The following HACE1 variants were observed in gnomAD, a reference collection of about 807,000 sequenced individuals.
The protein encoded by HACE1 is E3 ubiquitin-protein ligase HACE1.
Under a neutral mutation model 118.4 loss-of-function variants are expected in HACE1, and 73 were observed. The observed-to-expected ratio is 0.62, with a 90% CI of 0.51 to 0.75. The LOEUF (loss-of-function observed/expected upper bound fraction) is 0.75. Among genes scored for constraint, HACE1 ranks in the 30% least tolerant of loss-of-function variants. The pLI is 0.00. For synonymous variants in HACE1, 368 were observed against 374.8 expected, an observed-to-expected ratio of 0.98 and a Z score of 0.21; for missense variants, 749 against 1,102.2, an observed-to-expected ratio of 0.68 and a Z score of 4.54.
intron 6 of HACE1, among the ~76,000 whole-genome samples, chr6:104,829,981 C>T (rs1773699581): frequency 6.6e-6 from 1 of 152,198 alleles, no homozygotes; most frequent in Admixed American, 6.5e-5. Flanking sequence ...CTGTAATGCA[C>T]ATGTTTTGAA....
chr6:104,778,976 G>T (rs1332678638), intron 14 of HACE1, among the ~76,000 whole-genome samples: 1 of 152,158 alleles, frequency 6.6e-6, no homozygotes, highest in Non-Finnish European at 1.5e-5. Context: ...ATAGTGGGGT[G>T]TAACTATTAG....
intron 18 of HACE1, 66 bp downstream of exon 18, chr6:104,771,859 G>C: frequency 8.8e-7 from 1 of 1,140,412 alleles, no homozygotes; most frequent in Admixed American, 1.8e-5. Flanking sequence ...TGCTTATCTA[G>C]TTTTCCTCAA....
At chr6:104,793,887 A>G (rs1359306004) in intron 10 of HACE1, among the ~76,000 whole-genome samples, 6 of 152,252 alleles carry the variant, frequency 3.9e-5, no homozygotes, top group Admixed American at 3.3e-4. Context: ...CCATAAAAAT[A>G]AGATTCTATA....
intron 14 of HACE1, among the ~76,000 whole-genome samples, chr6:104,783,849 T>C (rs968173600): frequency 6.6e-6 from 1 of 152,250 alleles, no homozygotes; most frequent in African/African-American, 2.4e-5. Flanking sequence ...AGAGTTTCAT[T>C]AAGCTCCTTT....
rs186361561 is a variant in HACE1, at chr6:104,759,109, A to G, written c.2212-8637T>C. The stretch of plus-strand genomic sequence containing the variant: ...CTCCCACACAATAATGGGAGACTTT[A>G]ACACCTAACTGTCAATATTAGACAG... On this transcript the variant is annotated intron_variant, in intron 19 of 23. Transcript: ENST00000262903. Among the ~76,000 whole-genome samples the G allele has an allele frequency of 4.6e-4, 70 of 152,314 alleles. No individual in the cohort carries two copies. The East Asian group carries it at 0.013, about 29-fold the overall frequency.
chr6:104,744,650 G>C (rs774584690), intron 20 of HACE1, 40 bp from the exon 21 acceptor site: 57 of 1,170,016 alleles, frequency 4.9e-5, no homozygotes, highest in Non-Finnish European at 6.9e-5. Flanking sequence ...ATTTTCTTTA[G>C]GGAAAAAAGT....
rs561210355 is a variant in HACE1 at position 104,848,373 on chromosome 6, T to G, written c.326+769A>C. On this transcript the variant is annotated intron_variant, in intron 4 of 23. Coordinates refer to ENST00000262903, the MANE Select transcript of HACE1 (RefSeq NM_020771.4). ...CAGGAGGCTGAGGCAGGAGAATCAC[T>G]TGAACTCGGGAGATAGAGGTTGCAG... 4.6e-3 allele frequency among the ~76,000 whole-genome samples: 690 copies of G among 151,092 alleles called. 5 individuals carry two copies. The highest frequency in any genetic ancestry group is 7.2e-3 in the Non-Finnish European group (486 of 67,798).
chr6:104,743,577 T>C (rs901444086), intron 22 of HACE1, among the ~76,000 whole-genome samples: 4 of 152,082 alleles, frequency 2.6e-5, no homozygotes, highest in Non-Finnish European at 5.9e-5. Context: ...AGACTTTTTT[T>C]ACATCTTTCA....
chr6:104,756,809 ACTGTCC>A (rs1778751441), intron 19 of HACE1, among the ~76,000 whole-genome samples: 1 of 152,184 alleles, frequency 6.6e-6, no homozygotes, highest in South Asian at 2.1e-4. Context: ...GCCGTGACTG[ACTGTCC>A]CTGGAGGAAT....
chr6:104,847,686 T>A (rs1307145375), intron 4 of HACE1, among the ~76,000 whole-genome samples: 8 of 152,118 alleles, frequency 5.3e-5, no homozygotes, highest in Admixed American at 2.0e-4. Flanking sequence ...ATCCATCTTA[T>A]TAGGCAGCCA....
At chr6:104,784,014 C>T (rs1782055405) in intron 14 of HACE1, 72 bp downstream of exon 14, 4 of 796,790 alleles carry the variant, frequency 5.0e-6, no homozygotes, top group South Asian at 4.2e-5. Context: ...AATAATTATT[C>T]CACTAAACAG....
At chr6:104,783,143 C>T (rs1781921553) in intron 14 of HACE1, among the ~76,000 whole-genome samples, 2 of 152,160 alleles carry the variant, frequency 1.3e-5, no homozygotes, top group South Asian at 4.1e-4. Flanking sequence ...TGCTCCAGCC[C>T]ACATGGTGGC....
At chr6:104,778,729 G>A (rs1781457770) in intron 14 of HACE1, among the ~76,000 whole-genome samples, 3 of 151,922 alleles carry the variant, frequency 2.0e-5, no homozygotes, top group Admixed American at 2.0e-4. Flanking sequence ...TAACCCAGGA[G>A]TTCAAGGCTG....
intron 22 of HACE1, chr6:104,731,281 TGTATAG>T (rs1369785457): frequency 5.9e-5 from 9 of 152,096 alleles, no homozygotes; most frequent in Non-Finnish European, 1.0e-4. Flanking sequence ...GAACGTTTAA[TGTATAG>T]GTTACTAAAT....
At chr6:104,743,148 T>G (rs1303513740) in intron 22 of HACE1, among the ~76,000 whole-genome samples, 1 of 123,554 alleles carries the variant, frequency 8.1e-6, no homozygotes, top group Non-Finnish European at 1.6e-5. Flanking sequence ...AATATCACAC[T>G]CTGGGGACTG....
At chr6:104,769,611 T>C (rs1780401531) in intron 19 of HACE1, among the ~76,000 whole-genome samples, 1 of 152,224 alleles carries the variant, frequency 6.6e-6, no homozygotes, top group African/African-American at 2.4e-5. Flanking sequence ...TTCTAGAGCT[T>C]AACATGACTT....
At chr6:104,820,814 T>A (rs900685335) in intron 6 of HACE1, among the ~76,000 whole-genome samples, 8 of 152,196 alleles carry the variant, frequency 5.3e-5, no homozygotes, top group African/African-American at 1.9e-4. Flanking sequence ...AAATACCATT[T>A]GACCCAGCAA....
chr6:104,822,148 C>A (rs1347663045), intron 6 of HACE1, among the ~76,000 whole-genome samples: 1 of 141,930 alleles, frequency 7.0e-6, no homozygotes, highest in Non-Finnish European at 1.5e-5. Context: ...GCAGGTAGAT[C>A]ACAAGGTCAG....
rs1331655411 is a variant in HACE1, at chr6:104,739,911, T to C, written c.2513+4249A>G. 2.4e-4 allele frequency among the ~76,000 whole-genome samples: 36 copies of C among 152,030 alleles called. No individual in the cohort carries two copies. In the Middle Eastern group the frequency reaches 0.01, roughly 43 times the overall value. On this transcript the variant is annotated intron_variant, in intron 22 of 23. Coordinates refer to ENST00000262903, the MANE Select transcript of HACE1 (RefSeq NM_020771.4). The stretch of plus-strand genomic sequence containing the variant: ...ACCTATTCCAAAATTGACCACATAC[T>C]TGGAAGTAAAGCTCTCCTCAGCAAA...
Sources: allele counts gnomAD v4.1 joint callset (sites outside exome capture counted in the v4.1 genomes callset), GRCh38; gene constraint gnomAD v4.1.1; transcripts MANE v1.5; gene names NCBI Gene and HGNC (gene_info 2026-07-23, HGNC 2026-07-21).